Variants in PRRC1 observed in about 807,000 individuals in gnomAD.
The protein encoded by PRRC1 is protein PRRC1.
In PRRC1, 39 loss-of-function variants were observed where a neutral mutation model predicts 40.7. That is an observed-to-expected ratio of 0.96 (90% CI 0.74 to 1.25). PRRC1 has a LOEUF of 1.25. PRRC1 is among the 50% of genes most tolerant of loss of function. The pLI is 0.00. For missense variants in PRRC1, 573 were observed against 548.3 expected, an observed-to-expected ratio of 1.05 and a Z score of -0.45; for synonymous variants, 175 against 193.3, an observed-to-expected ratio of 0.91 and a Z score of 0.79.
chr5:127,523,666 A>G lies in PRRC1; in HGVS notation c.103+84A>G, dbSNP rs1767526739. On this transcript the variant is annotated intron_variant, in intron 2 of 8. Coordinates refer to ENST00000296666, the MANE Select transcript of PRRC1 (RefSeq NM_130809.5). Reference sequence around the variant, plus strand: ...TTTCTCAGAGTCAATTAAGAAAAGAATGCATATATTAAAACTTCTCTATTA... The same window carrying G: ...TTTCTCAGAGTCAATTAAGAAAAGAGTGCATATATTAAAACTTCTCTATTA... 4 of 700,254 alleles carry G rather than the reference A, an allele frequency of 5.7e-6. No individual in the cohort carries two copies. In the African/African-American group the frequency reaches 7.2e-5, roughly 13 times the overall value. 43.4% of individuals were successfully genotyped at this position (700,254 alleles called of 1,614,324 possible). A position where few individuals can be genotyped will look rare whatever the true frequency, so the allele number is the denominator to read the frequency against.
chr5:127,531,063 C>G (rs925187207), intron 5 of PRRC1, among the ~76,000 whole-genome samples: 17 of 152,114 alleles, frequency 1.1e-4, no homozygotes, highest in African/African-American at 4.1e-4. Flanking sequence ...ACCTGAACAG[C>G]GATTTCAGTG....
intron 1 of PRRC1, among the ~76,000 whole-genome samples, chr5:127,519,350 G>A (rs1400515723): frequency 1.3e-5 from 2 of 152,104 alleles, no homozygotes; most frequent in Non-Finnish European, 2.9e-5. Context: ...TCTTTCCTAC[G>A]TTCACAGCCA....
rs188720814 is a variant in PRRC1, at chr5:127,542,971, G to A, written c.1025+3828G>A. On this transcript the variant is annotated intron_variant, in intron 7 of 8. Transcript: ENST00000296666. ...GTTGATGCAGTTTCTTCCTAGTTTT[G>A]ATGGTCTTTACATTTTGGCATGATT... 2.1e-3 allele frequency among the ~76,000 whole-genome samples: 311 copies of A among 151,538 alleles called. 2 individuals carry two copies. Among genetic ancestry groups the A allele is most frequent in the African/African-American group, 7.4e-3 (304 of 41,252 alleles).
chr5:127,530,802 A>G (rs1767749541), intron 5 of PRRC1, among the ~76,000 whole-genome samples: 1 of 149,578 alleles, frequency 6.7e-6, no homozygotes, highest in South Asian at 2.1e-4. Flanking sequence ...GTTTGTGTGT[A>G]ATTGAGGGAT....
rs146434510 is a variant in PRRC1 at position 127,547,830 on chromosome 5, T to C, written c.1037T>C (p.Ile346Thr). The C allele has an allele frequency of 2.5e-6, 4 of 1,612,030 alleles. No individual in the cohort carries two copies. In the African/African-American group the frequency reaches 4.0e-5, roughly 16 times the overall value. ...AELLPDKWFD[I>T]GCLVVEDPVH... Reference sequence around the variant, plus strand: ...TAATTCTGTTGCAGATGGTTTGACATTGGTTGTTTGGTGGTTGAAGATCCT... The same window carrying C: ...TAATTCTGTTGCAGATGGTTTGACACTGGTTGTTTGGTGGTTGAAGATCCT... The change falls in exon 8 of 9, where the codon ATT (isoleucine) becomes ACT (threonine). Residue 346 changes from isoleucine (I) to threonine (T), a missense_variant. Physicochemically the swap from Ile to Thr is moderately conservative, Grantham distance 89. Transcript: ENST00000296666.
chr5:127,552,232 G>T lies in PRRC1; in HGVS notation c.*316G>T. On this transcript the variant is annotated 3_prime_UTR_variant, in exon 9 of 9. Transcript: ENST00000296666. Reference sequence around the variant, plus strand: ...CATGTGCAGAGACATTTAACTTAATGCCATGTACTTGATTATTTTGTTCTT... The same window carrying T: ...CATGTGCAGAGACATTTAACTTAATTCCATGTACTTGATTATTTTGTTCTT... 1 of 1,083,066 alleles carries T rather than the reference G, an allele frequency of 9.2e-7. No homozygotes were observed. Among genetic ancestry groups the T allele is most frequent in the East Asian group, 6.7e-5 (1 of 14,834 alleles). 67.1% of individuals were successfully genotyped at this position (1,083,066 alleles called of 1,614,324 possible). A position where few individuals can be genotyped will look rare whatever the true frequency, so the allele number is the denominator to read the frequency against.
rs950125241 is a variant in PRRC1, at chr5:127,528,822, A to G, written c.655-1472A>G. Among the ~76,000 whole-genome samples the G allele has an allele frequency of 3.9e-5, 6 of 152,140 alleles. No homozygotes were observed. In the South Asian group the frequency reaches 6.2e-4, roughly 16 times the overall value. Reference sequence around the variant, plus strand: ...TCCAGCTACTCAATGGAGTATTTCAATATCATATCCCCATTGATTTGGTAT... The same window carrying G: ...TCCAGCTACTCAATGGAGTATTTCAGTATCATATCCCCATTGATTTGGTAT... On this transcript the variant is annotated intron_variant, in intron 4 of 8. Transcript: ENST00000296666.
intron 7 of PRRC1, among the ~76,000 whole-genome samples, chr5:127,543,097 G>T (rs1318595838): frequency 1.3e-5 from 2 of 151,642 alleles, no homozygotes; most frequent in East Asian, 3.9e-4. Flanking sequence ...GCATTTGCTT[G>T]TCTGTAAAGT....
In PRRC1 at chr5:127,553,826, C is replaced by T; in HGVS notation, c.*1910C>T. ...TTATTTTCCTAGAATCCCCAAAGAG[C>T]AGTGGCAGTCCATGGCTTGGTTGAA... is the stretch of plus-strand genomic sequence containing the variant. On this transcript the variant is annotated 3_prime_UTR_variant, in exon 9 of 9. Transcript: ENST00000296666. 6.5e-7 allele frequency: 1 copy of T among 1,535,682 alleles called. No homozygotes were observed. Among genetic ancestry groups the T allele is most frequent in the Non-Finnish European group, 8.7e-7 (1 of 1,146,614 alleles).
chr5:127,544,382 G>T (rs947383561), intron 7 of PRRC1, among the ~76,000 whole-genome samples: 2 of 152,196 alleles, frequency 1.3e-5, no homozygotes, highest in African/African-American at 4.8e-5. Context: ...CCAGCTGCGT[G>T]CTGGGAGAAC....
chr5:127,534,321 TC>T (rs1439674977), intron 6 of PRRC1, among the ~76,000 whole-genome samples: 9 of 152,124 alleles, frequency 5.9e-5, no homozygotes, highest in African/African-American at 2.2e-4. Context: ...TTCTTTGACC[TC>T]CCTTCCTCTA....
chr5:127,518,556 G>A (rs2127085211), intron 1 of PRRC1, among the ~76,000 whole-genome samples: 1 of 152,294 alleles, frequency 6.6e-6, no homozygotes, highest in African/African-American at 2.4e-5. Context: ...GTTTAATTCA[G>A]TGAAAATTTA....
At chr5:127,540,344 C>G (rs1238465081) in intron 7 of PRRC1, among the ~76,000 whole-genome samples, 2 of 151,990 alleles carry the variant, frequency 1.3e-5, no homozygotes, top group Non-Finnish European at 2.9e-5. Context: ...ACTTTTAATA[C>G]TATTCACTCC....
chr5:127,550,002 T>C (rs1768332025), intron 8 of PRRC1: 2 of 151,848 alleles, frequency 1.3e-5, no homozygotes, highest in Admixed American at 6.6e-5. Context: ...TACCAAAAGA[T>C]AGCTATTACA....
chr5:127,543,360 C>G (rs1026780339), intron 7 of PRRC1, among the ~76,000 whole-genome samples: 1 of 151,634 alleles, frequency 6.6e-6, no homozygotes, highest in Non-Finnish European at 1.5e-5. Context: ...CTTGGAGTTG[C>G]TCTTCTTGAG....
rs1768488429 is a variant in PRRC1 at position 127,554,979 on chromosome 5, A to G, written c.*3063A>G. 6.6e-6 allele frequency: 1 copy of G among 152,646 alleles called. No homozygotes were observed. The highest frequency in any genetic ancestry group is 1.5e-5 in the Non-Finnish European group (1 of 68,024). The allele number at this position is 152,646 out of a possible 1,614,324, so 9.5% of individuals were successfully genotyped here. ...TTAAGAAATATGGATTTTTATTCCC[A>G]GGATATGGTGTTCATTTTATGATAT... On this transcript the variant is annotated 3_prime_UTR_variant, in exon 9 of 9. Transcript: ENST00000296666.
Position 127,524,832 on chromosome 5 carries a change from T to C in PRRC1, c.405T>C (p.Val135=). ...GTCCTCCTATATCAGGATTTTCTGT[T>C]GGTTCAACTTATGACATTACAAGGG... ...PSGPPISGFS[V]GSTYDITRGH... The change falls in exon 3 of 9, where the codon GTT becomes GTC. Residue 135 remains valine, a synonymous_variant. Transcript: ENST00000296666. 1 of 1,614,216 alleles carries C rather than the reference T, an allele frequency of 6.2e-7. No individual in the cohort carries two copies. The highest frequency in any genetic ancestry group is 8.5e-7 in the Non-Finnish European group (1 of 1,180,044).
intron 7 of PRRC1, among the ~76,000 whole-genome samples, chr5:127,542,840 T>C (rs1768089522): frequency 6.6e-6 from 1 of 152,024 alleles, no homozygotes; most frequent in Non-Finnish European, 1.5e-5. Flanking sequence ...TTTGCCAGTC[T>C]GTGTCTTTTA....
chr5:127,536,430 C>A (rs1421862060), intron 6 of PRRC1, among the ~76,000 whole-genome samples: 1 of 152,014 alleles, frequency 6.6e-6, no homozygotes, highest in African/African-American at 2.4e-5. Context: ...TGGAACAAGT[C>A]ACATACTTAG....
Sources: allele counts gnomAD v4.1 joint callset (sites outside exome capture counted in the v4.1 genomes callset), GRCh38; gene constraint gnomAD v4.1.1; transcripts MANE v1.5; gene names NCBI Gene and HGNC (gene_info 2026-07-23, HGNC 2026-07-21).